The following IGF2BP3 variants were observed in gnomAD, a reference collection of about 807,000 sequenced individuals.
IGF2BP3 encodes insulin like growth factor 2 mRNA binding protein 3.
In IGF2BP3, 9 loss-of-function variants were observed where a neutral mutation model predicts 73.8. The ratio of observed to expected loss-of-function variants is 0.12; its 90% confidence interval spans 0.07 to 0.21. IGF2BP3 has a LOEUF of 0.21. Ranked by LOEUF, IGF2BP3 falls within the 10% of genes least tolerant of loss-of-function variation. IGF2BP3 has a pLI of 1.00. For synonymous variants in IGF2BP3, 258 were observed against 256.7 expected (o/e 1.01, Z -0.05); for missense variants, 542 against 714.0 (o/e 0.76, Z 2.75).
chr7:23,321,041 T>C (rs1000815098), intron 10 of IGF2BP3, among the ~76,000 whole-genome samples: 15 of 151,270 alleles, frequency 9.9e-5, no homozygotes, highest in African/African-American at 2.4e-4. Context: ...CTAGAAATAT[T>C]AGAAGATATT....
chr7:23,344,890 C>T (rs1344160407), intron 8 of IGF2BP3, among the ~76,000 whole-genome samples: 2 of 152,178 alleles, frequency 1.3e-5, no homozygotes, highest in East Asian at 1.9e-4. Context: ...TCAACCTGGC[C>T]CTGCCAAGCA....
At chr7:23,353,925 G>A (rs575642601) in intron 5 of IGF2BP3, among the ~76,000 whole-genome samples, 61 of 152,318 alleles carry the variant, frequency 4.0e-4, no homozygotes, top group Admixed American at 2.4e-3. Context: ...TATTTATGGT[G>A]TATATTTGTT....
intron 3 of IGF2BP3, chr7:23,415,421 C>T: frequency 5.1e-6 from 1 of 196,132 alleles, no homozygotes; most frequent in Non-Finnish European, 1.1e-5. Flanking sequence ...GCAGGTCCCC[C>T]TCCGTCAGCC....
chr7:23,354,910 G>C (rs865979380), intron 5 of IGF2BP3, among the ~76,000 whole-genome samples: 1 of 152,158 alleles, frequency 6.6e-6, no homozygotes, highest in South Asian at 2.1e-4. Flanking sequence ...AGACACAGCT[G>C]AAAAGGTACA....
chr7:23,362,902 C>G (rs113848339), intron 3 of IGF2BP3, among the ~76,000 whole-genome samples: 1 of 151,586 alleles, frequency 6.6e-6, no homozygotes, highest in South Asian at 2.1e-4. Flanking sequence ...TACAGGTGCA[C>G]GCCGCCACCC....
At chr7:23,389,354 G>T (rs1372723033) in intron 3 of IGF2BP3, among the ~76,000 whole-genome samples, 3 of 151,832 alleles carry the variant, frequency 2.0e-5, no homozygotes, top group Admixed American at 2.0e-4. Context: ...TAGAGAAGGG[G>T]TTTCACCATA....
chr7:23,410,292 G>A (rs1202092240), intron 3 of IGF2BP3, among the ~76,000 whole-genome samples: 1 of 152,198 alleles, frequency 6.6e-6, no homozygotes, highest in African/African-American at 2.4e-5. Flanking sequence ...AGGAAGTCAA[G>A]GCTGCAGTGA....
rs76239146 is a variant in IGF2BP3, at chr7:23,449,996, T to C, written c.236+18486A>G. 4.0e-4 allele frequency among the ~76,000 whole-genome samples: 61 copies of C among 152,326 alleles called. No individual in the cohort carries two copies. In the East Asian group the frequency reaches 0.011, roughly 28 times the overall value. ...TTTCCTAATAACACTAAGATGTTAT[T>C]TGCCTTTTCTGCTGTGTTGTATTTG... On this transcript the variant is annotated intron_variant, in intron 2 of 14. Coordinates refer to ENST00000258729, the MANE Select transcript of IGF2BP3 (RefSeq NM_006547.3).
At chr7:23,385,627 T>TA (rs1386282928) in intron 3 of IGF2BP3, among the ~76,000 whole-genome samples, 3 of 151,710 alleles carry the variant, frequency 2.0e-5, no homozygotes, top group East Asian at 1.9e-4. Context: ...GGGGGGAAGA[T>TA]AAAAAAAGGA....
chr7:23,344,503 C>T (rs898651147), intron 8 of IGF2BP3, among the ~76,000 whole-genome samples: 3 of 152,330 alleles, frequency 2.0e-5, no homozygotes, highest in Admixed American at 2.0e-4. Context: ...TAGATAGTGG[C>T]AGAAATATTC....
At chr7:23,362,779 G>A (rs1056253434) in intron 3 of IGF2BP3, 2 of 151,930 alleles carry the variant, frequency 1.3e-5, no homozygotes, top group East Asian at 3.9e-4. Context: ...TATGAGACAG[G>A]GTCTTGCTAT....
At chr7:23,436,004 G>A (rs1007043179) in intron 2 of IGF2BP3, among the ~76,000 whole-genome samples, 13 of 151,660 alleles carry the variant, frequency 8.6e-5, no homozygotes, top group East Asian at 2.0e-4. Context: ...TGATCCACCT[G>A]CCTCGGCCTC....
chr7:23,443,360 G>C (rs1787982208), intron 2 of IGF2BP3, among the ~76,000 whole-genome samples: 1 of 151,930 alleles, frequency 6.6e-6, no homozygotes. Flanking sequence ...CCCGACCTCA[G>C]GTGATTCACC....
intron 5 of IGF2BP3, among the ~76,000 whole-genome samples, chr7:23,359,783 C>T (rs942775762): frequency 6.6e-6 from 1 of 152,136 alleles, no homozygotes. Context: ...CCTGCCCTCA[C>T]TTTTATCCCC....
chr7:23,364,036 C>T lies in IGF2BP3; in HGVS notation c.286-2295G>A, dbSNP rs541517569. On this transcript the variant is annotated intron_variant, in intron 3 of 14. Coordinates refer to ENST00000258729, the MANE Select transcript of IGF2BP3 (RefSeq NM_006547.3). ...GGTGTATCACCTGAGGTCAGGAGTT[C>T]GAGACCAGCCTGGCCAACATGGCAA... Among the ~76,000 whole-genome samples the T allele has an allele frequency of 3.3e-5, 5 of 152,102 alleles. No homozygotes were observed. In the East Asian group the frequency reaches 7.7e-4, roughly 24 times the overall value.
intron 3 of IGF2BP3, chr7:23,394,714 A>C (rs1023864789): frequency 6.6e-6 from 1 of 152,234 alleles, no homozygotes; most frequent in Non-Finnish European, 1.5e-5. Context: ...GCATATAAGC[A>C]AAGGTCCTGT....
intron 3 of IGF2BP3, among the ~76,000 whole-genome samples, chr7:23,404,853 C>T (rs926712075): frequency 3.3e-5 from 5 of 152,138 alleles, no homozygotes; most frequent in African/African-American, 1.2e-4. Context: ...AGTGCCCTGT[C>T]ACTCCCAATT....
chr7:23,334,174 A>G (rs987425016), intron 10 of IGF2BP3, among the ~76,000 whole-genome samples: 1 of 152,034 alleles, frequency 6.6e-6, no homozygotes, highest in Non-Finnish European at 1.5e-5. Context: ...CATCTCTACT[A>G]AAAGTACAAA....
chr7:23,452,349 A>G (rs2128548909), intron 2 of IGF2BP3, among the ~76,000 whole-genome samples: 1 of 152,288 alleles, frequency 6.6e-6, no homozygotes, highest in Non-Finnish European at 1.5e-5. Context: ...GTTATTTCCT[A>G]TTTTTAACTA....
Sources: gnomAD v4.1 joint callset for allele counts (sites outside exome capture counted in the v4.1 genomes callset) on GRCh38, gnomAD v4.1.1 for gene constraint, MANE v1.5 for transcripts, NCBI Gene and HGNC (gene_info 2026-07-23, HGNC 2026-07-21) for gene names.